The following HIVEP1 variants were observed in gnomAD, a reference collection of about 807,000 sequenced individuals.
HIVEP1 encodes the protein zinc finger protein 40.
Under a neutral mutation model 180.0 loss-of-function variants are expected in HIVEP1, and 36 were observed. The ratio of observed to expected loss-of-function variants is 0.20; its 90% CI spans 0.15 to 0.26. The LOEUF is 0.26. Among genes scored for constraint, HIVEP1 ranks in the 10% least tolerant of loss-of-function variants. The pLI, the probability that HIVEP1 is intolerant of heterozygous loss-of-function variation, is 1.00. For synonymous variants in HIVEP1, 1,239 were observed against 1,239.0 expected (o/e 1.00, Z 0.00); for missense variants, 3,143 against 3,268.7 (o/e 0.96, Z 0.94).
chr6:12,183,813 G>A, the HIVEP1 span, among the ~76,000 whole-genome samples: 2 of 152,094 alleles, frequency 1.3e-5, no homozygotes, highest in East Asian at 3.8e-4. Context: ...ATATACAAAA[G>A]CAAGAGATAG....
intron 3 of HIVEP1, among the ~76,000 whole-genome samples, chr6:12,115,683 A>C (rs1775172457): frequency 6.6e-6 from 1 of 151,852 alleles, no homozygotes; most frequent in African/African-American, 2.4e-5. Context: ...TCCCAATCTG[A>C]CTGTAAGTTC....
intron 2 of HIVEP1, among the ~76,000 whole-genome samples, chr6:12,086,334 G>A (rs957236583): frequency 5.3e-5 from 8 of 152,102 alleles, no homozygotes; most frequent in African/African-American, 1.4e-4. Context: ...TAGTAAGAAT[G>A]CATATTATGG....
chr6:12,124,297 C>T lies in HIVEP1; in HGVS notation c.4502C>T (p.Thr1501Ile), dbSNP rs758185727. Residue 1501 changes from threonine to isoleucine, a missense_variant, in exon 4 of 9, where the codon ACC becomes ATC. Transcript: ENST00000379388. ...GCAGAAACATCAAACTCCAGCTCTA[C>T]CAACGTTTTTCCTGTTCAACAGCTC... Reference protein sequence around the residue: ...LQAETSNSSSTNVFPVQQLCD... With the variant: ...LQAETSNSSSINVFPVQQLCD... 14 of 1,614,044 alleles carry T rather than the reference C, an allele frequency of 8.7e-6. No homozygotes were observed. The highest frequency in any genetic ancestry group is 1.2e-5 in the Non-Finnish European group (14 of 1,179,998).
intron 2 of HIVEP1, among the ~76,000 whole-genome samples, chr6:12,076,176 C>G (rs1432277889): frequency 6.6e-6 from 1 of 151,968 alleles, no homozygotes. Flanking sequence ...AGAATATTAA[C>G]TGATTGCTTT....
At chr6:12,110,688 C>T (rs116373433) in intron 3 of HIVEP1, among the ~76,000 whole-genome samples, 2 of 152,172 alleles carry the variant, frequency 1.3e-5, no homozygotes, top group Non-Finnish European at 2.9e-5. Context: ...CTAAAATTTT[C>T]TTCATATCAG....
chr6:12,189,326 A>G, the HIVEP1 span, among the ~76,000 whole-genome samples: 1 of 152,118 alleles, frequency 6.6e-6, no homozygotes, highest in Non-Finnish European at 1.5e-5. Context: ...ATAGAAAAAG[A>G]CTAATAAATT....
chr6:12,121,104 G>A lies in HIVEP1; in HGVS notation c.1309G>A (p.Val437Met). Residue 437 changes from valine to methionine, a missense_variant, in exon 4 of 9, where the codon GTG becomes ATG. Around this residue, in one of 12 missense-constraint regions of HIVEP1, gnomAD observed 28 missense variants for 73.6 expected, o/e 0.38. Coordinates refer to ENST00000379388, the MANE Select transcript of HIVEP1 (RefSeq NM_002114.4). This position sits in a 1 kb window ranked among gnomAD's most constrained non-coding sequence, Gnocchi z 5.3. ...SHTGERPYPC[V>M]TCGFSFKTKS... ...CACTGGAGAGCGACCCTATCCCTGT[G>A]TGACTTGTGGATTTTCATTTAAGAC... 2 of 1,614,204 alleles carry A rather than the reference G, an allele frequency of 1.2e-6. No homozygotes were observed. Among genetic ancestry groups the A allele is most frequent in the Non-Finnish European group, 1.7e-6 (2 of 1,180,046 alleles).
intron 7 of HIVEP1, among the ~76,000 whole-genome samples, chr6:12,143,589 T>A (rs1188990997): frequency 6.6e-6 from 1 of 152,128 alleles, no homozygotes; most frequent in Non-Finnish European, 1.5e-5. Flanking sequence ...AAAGAAGAAG[T>A]CAAATTGTCC....
downstream of HIVEP1, among the ~76,000 whole-genome samples, chr6:12,168,326 ATTATATAAT>A (rs1214887597): frequency 6.0e-4 from 79 of 132,728 alleles, 2 homozygotes; most frequent in East Asian, 0.015. Context: ...ATACATATAT[ATTATATAAT>A]TATATATACA....
downstream of HIVEP1, among the ~76,000 whole-genome samples, chr6:12,168,107 ATG>A (rs373542843): frequency 0.72 from 32,027 of 44,528 alleles, 13,459 homozygotes; most frequent in Non-Finnish European, 0.81. Flanking sequence ...ACACGTATAT[ATG>A]TATATTATAT....
the HIVEP1 span, among the ~76,000 whole-genome samples, chr6:12,183,974 AAGATAGAT>A: frequency 0.019 from 2,503 of 134,822 alleles, 47 homozygotes; most frequent in East Asian, 0.054. Flanking sequence ...TCACATTGTA[AAGATAGAT>A]AGATAGATAG....
At chr6:12,032,387 C>A (rs2113645764) in intron 2 of HIVEP1, among the ~76,000 whole-genome samples, 1 of 152,210 alleles carries the variant, frequency 6.6e-6, no homozygotes, top group East Asian at 1.9e-4. Flanking sequence ...TGTGATCCGC[C>A]CGCCTCAGCC....
chr6:12,056,858 A>G (rs1319106415), intron 2 of HIVEP1, among the ~76,000 whole-genome samples: 1 of 151,476 alleles, frequency 6.6e-6, no homozygotes. Flanking sequence ...TTTTTTTCAA[A>G]CAGAATCTTG....
At chr6:12,022,390 T>G (rs1561861601) in intron 2 of HIVEP1, among the ~76,000 whole-genome samples, 1 of 152,084 alleles carries the variant, frequency 6.6e-6, no homozygotes, top group Admixed American at 6.5e-5. Flanking sequence ...CAGGCTGGTC[T>G]TGAACTCCTG....
chr6:12,125,900 T>C (rs756593039), intron 4 of HIVEP1, 30 bp downstream of exon 4: 8 of 1,378,772 alleles, frequency 5.8e-6, no homozygotes, highest in Non-Finnish European at 8.0e-6. Flanking sequence ...TCTTCAGATA[T>C]GGTTTGCGCA....
intron 1 of HIVEP1, among the ~76,000 whole-genome samples, chr6:12,014,383 T>TA (rs1437325065): frequency 2.0e-5 from 3 of 152,352 alleles, no homozygotes; most frequent in East Asian, 3.8e-4. Flanking sequence ...AATTTTTTTT[T>TA]AATCTGTAAA....
At chr6:12,114,401 A>C (rs923068591) in intron 3 of HIVEP1, among the ~76,000 whole-genome samples, 1 of 152,172 alleles carries the variant, frequency 6.6e-6, no homozygotes, top group African/African-American at 2.4e-5. Context: ...CTGTTCCACT[A>C]TCACATGTTT....
At chr6:12,026,458 A>T (rs992549064) in intron 2 of HIVEP1, among the ~76,000 whole-genome samples, 5 of 152,206 alleles carry the variant, frequency 3.3e-5, no homozygotes, top group Non-Finnish European at 7.3e-5. Flanking sequence ...AATGGGGGAA[A>T]AATTACGCAG....
intron 7 of HIVEP1, among the ~76,000 whole-genome samples, chr6:12,145,929 A>G (rs1442539916): frequency 1.3e-5 from 2 of 152,206 alleles, no homozygotes; most frequent in Non-Finnish European, 2.9e-5. Flanking sequence ...GTCCTGCAGC[A>G]TGTGAAGAAG....
Sources: allele counts gnomAD v4.1 joint callset (sites outside exome capture counted in the v4.1 genomes callset), GRCh38; gene constraint gnomAD v4.1.1; regional missense constraint gnomAD v4.1.1; non-coding constraint Gnocchi (gnomAD v3.1); transcripts MANE v1.5; gene names NCBI Gene and HGNC (gene_info 2026-07-23, HGNC 2026-07-21).